Variants in MAF observed in about 807,000 individuals in gnomAD.
MAF encodes the protein transcription factor Maf.
In MAF, 10 loss-of-function variants were observed where a neutral mutation model predicts 22.0. That is an observed-to-expected ratio of 0.45 (90% CI 0.28 to 0.77). The LOEUF (loss-of-function observed/expected upper bound fraction) is 0.77, where lower values mean the gene tolerates loss of function less well. MAF is among the 30% of genes least tolerant of loss of function. MAF has a pLI of 0.12. For synonymous variants in MAF, 337 were observed against 255.8 expected, an observed-to-expected ratio of 1.32 and a Z score of -3.03; for missense variants, 544 against 548.4, an observed-to-expected ratio of 0.99 and a Z score of 0.08.
At chr16:79,360,634 G>C in the MAF span, among the ~76,000 whole-genome samples, 8 of 152,172 alleles carry the variant, frequency 5.3e-5, no homozygotes, top group African/African-American at 1.9e-4. Context: ...TTATTTTGCA[G>C]CCAAGAGCAT....
the MAF span, among the ~76,000 whole-genome samples, chr16:79,398,963 C>T: frequency 6.6e-6 from 1 of 152,210 alleles, no homozygotes; most frequent in African/African-American, 2.4e-5. Context: ...TGTTGTCCAT[C>T]TCCCTTACTG....
chr16:79,340,142 G>A, the MAF span, among the ~76,000 whole-genome samples: 2 of 152,030 alleles, frequency 1.3e-5, no homozygotes, highest in Non-Finnish European at 2.9e-5. Context: ...GTTCCGGGAG[G>A]TCAGGGACGG....
chr16:79,240,403 G>C, the MAF span, among the ~76,000 whole-genome samples: 3 of 142,456 alleles, frequency 2.1e-5, no homozygotes, highest in Non-Finnish European at 4.5e-5. Context: ...TACCCCTTCA[G>C]GACCTCTCTA....
At chr16:79,596,573 GGTTA>G (rs1913540178) in intron 1 of MAF, 3 of 1,047,622 alleles carry the variant, frequency 2.9e-6, no homozygotes, top group Non-Finnish European at 2.3e-6. Context: ...CAACACGCGT[GGTTA>G]GTTAGTAACT....
At chr16:79,278,208 C>T in the MAF span, among the ~76,000 whole-genome samples, 17 of 152,226 alleles carry the variant, frequency 1.1e-4, no homozygotes, top group Non-Finnish European at 2.4e-4. Flanking sequence ...GACCAGCTGA[C>T]AGCCATCCTT....
chr16:79,212,080 C>G, the MAF span: 99 of 1,536,428 alleles, frequency 6.4e-5, 1 homozygote, highest in Middle Eastern at 8.3e-4. Context: ...GGTTCCGTAT[C>G]TCCCTGGAGA....
the MAF span, among the ~76,000 whole-genome samples, chr16:79,553,494 G>A: frequency 6.6e-6 from 1 of 152,208 alleles, no homozygotes; most frequent in East Asian, 1.9e-4. Context: ...TTTGTGCTCA[G>A]AAAGCACCTT....
At chr16:79,335,237 A>C in the MAF span, among the ~76,000 whole-genome samples, 4 of 151,856 alleles carry the variant, frequency 2.6e-5, no homozygotes, top group African/African-American at 9.7e-5. Context: ...AATAGAAATC[A>C]ATCATATTTT....
chr16:79,512,469 G>T, the MAF span, among the ~76,000 whole-genome samples: 68 of 152,216 alleles, frequency 4.5e-4, no homozygotes, highest in South Asian at 1.0e-3. Flanking sequence ...GATGTGATCA[G>T]CTTGGGTTTC....
chr16:79,274,048 A>G, the MAF span, among the ~76,000 whole-genome samples: 104,421 of 148,602 alleles, frequency 0.7, 37,000 homozygotes, highest in Admixed American at 0.76. Context: ...TCCACCTCCC[A>G]GGTTCAAGCA....
the MAF span, among the ~76,000 whole-genome samples, chr16:79,533,796 G>C: frequency 2.4e-4 from 37 of 152,116 alleles, no homozygotes; most frequent in Non-Finnish European, 4.7e-4. Context: ...GTGAGGATGT[G>C]GAGAGATGAA....
the MAF span, among the ~76,000 whole-genome samples, chr16:79,265,416 G>T: frequency 1.3e-5 from 2 of 151,954 alleles, no homozygotes; most frequent in Non-Finnish European, 2.9e-5. Flanking sequence ...TCTCTCTTTC[G>T]CCAGGGTCCC....
chr16:79,570,874 G>C, the MAF span, among the ~76,000 whole-genome samples: 1 of 152,182 alleles, frequency 6.6e-6, no homozygotes, highest in Admixed American at 6.5e-5. Flanking sequence ...TAAATGCTGA[G>C]CGTAAGGAGG....
At chr16:79,462,952 G>A in the MAF span, among the ~76,000 whole-genome samples, 1 of 152,216 alleles carries the variant, frequency 6.6e-6, no homozygotes. Context: ...AATCAGGATA[G>A]GGGATTAGAG....
chr16:79,318,309 G>A, the MAF span, among the ~76,000 whole-genome samples: 3 of 152,126 alleles, frequency 2.0e-5, no homozygotes, highest in Non-Finnish European at 4.4e-5. Flanking sequence ...AAATGGTAAG[G>A]AGCAACTTGG....
chr16:79,476,659 A>C, the MAF span, among the ~76,000 whole-genome samples: 1 of 152,180 alleles, frequency 6.6e-6, no homozygotes, highest in Non-Finnish European at 1.5e-5. Context: ...GAGGGCGAAA[A>C]GGAGCATCTG....
chr16:79,387,110 A>T, the MAF span, among the ~76,000 whole-genome samples: 1 of 152,208 alleles, frequency 6.6e-6, no homozygotes, highest in Non-Finnish European at 1.5e-5. Flanking sequence ...ATCTTCTATT[A>T]AAGTAAGCAA....
At chr16:79,464,478 A>G in the MAF span, among the ~76,000 whole-genome samples, 2,163 of 152,218 alleles carry the variant, frequency 0.014, 52 homozygotes, top group African/African-American at 0.049. Context: ...ACAAGTCAAC[A>G]CCTTGAATGA....
At chr16:79,239,232 C>A in the MAF span, among the ~76,000 whole-genome samples, 6 of 152,068 alleles carry the variant, frequency 3.9e-5, no homozygotes, top group Non-Finnish European at 8.8e-5. Flanking sequence ...GGAACATTTG[C>A]ATGGGTGCCC....
Sources: gnomAD v4.1 joint callset for allele counts (sites outside exome capture counted in the v4.1 genomes callset) on GRCh38, gnomAD v4.1.1 for gene constraint, MANE v1.5 for transcripts, NCBI Gene and HGNC (gene_info 2026-07-23, HGNC 2026-07-21) for gene names.